Variants in SCG5 observed in about 807,000 individuals in gnomAD.
SCG5 encodes secretogranin V.
In SCG5, 18 loss-of-function variants were observed where a neutral mutation model predicts 25.7. The observed-to-expected ratio is 0.70, with a 90% CI of 0.48 to 1.04. The LOEUF (loss-of-function observed/expected upper bound fraction) is 1.04, where lower values mean the gene tolerates loss of function less well. SCG5 is among the 50% of genes least tolerant of loss of function. The pLI, the probability that SCG5 is intolerant of heterozygous loss-of-function variation, is 0.00. For synonymous variants in SCG5, 101 were observed against 91.7 expected (o/e 1.10, Z -0.58); for missense variants, 206 against 259.8 (o/e 0.79, Z 1.42).
In SCG5 at chr15:32,684,670, G is replaced by A; in HGVS notation, c.489+1G>A. 6.2e-7 allele frequency: 1 copy of A among 1,601,526 alleles called. No individual in the cohort carries two copies. Among genetic ancestry groups the A allele is most frequent in the Non-Finnish European group, 8.6e-7 (1 of 1,169,364 alleles). On this transcript the variant is annotated splice_donor_variant, in intron 4 of 5. Coordinates refer to ENST00000300175, the MANE Select transcript of SCG5 (RefSeq NM_001144757.3). LOFTEE classifies it high-confidence loss of function. ...TGACTATCCAGGCTTGGGCAAGTGG[G>A]TAAGTCCTATCTCAATTGTTAGTAG...
At chr15:32,696,469 A>G in intron 5 of SCG5, 45 bp from the exon 6 acceptor site, 1 of 1,342,508 alleles carries the variant, frequency 7.4e-7, no homozygotes, top group Non-Finnish European at 1.1e-6. Context: ...TCTGATGTTC[A>G]CATATAACAC....
intron 2 of SCG5, among the ~76,000 whole-genome samples, chr15:32,653,179 T>G (rs2054060692): frequency 6.6e-6 from 1 of 152,232 alleles, no homozygotes; most frequent in Non-Finnish European, 1.5e-5. Flanking sequence ...GCTTAGTAAT[T>G]CTAAACAGTG....
At chr15:32,686,860 G>T (rs114246683) in intron 4 of SCG5, among the ~76,000 whole-genome samples, 1 of 152,110 alleles carries the variant, frequency 6.6e-6, no homozygotes, top group African/African-American at 2.4e-5. Context: ...ACTTAGCACC[G>T]CTCCACTTCA....
rs543199794 is a variant in SCG5, at chr15:32,664,533, G to T, written c.227-15233G>T. 4.6e-5 allele frequency among the ~76,000 whole-genome samples: 7 copies of T among 152,288 alleles called. No individual in the cohort carries two copies. The South Asian group carries it at 1.5e-3, about 32-fold the overall frequency. ...GCAATCCACAGCAGATTCAAGTTTT[G>T]TGAGGCCTGAAACTCATGCAATTTG... is the stretch of plus-strand genomic sequence containing the variant. On this transcript the variant is annotated intron_variant, in intron 2 of 5. Transcript: ENST00000300175.
chr15:32,642,170 G>C (rs892286797), intron 1 of SCG5, among the ~76,000 whole-genome samples: 4 of 152,006 alleles, frequency 2.6e-5, no homozygotes, highest in Admixed American at 6.6e-5. Context: ...TGCAGAAAAA[G>C]AAATTGGAGG....
chr15:32,655,388 T>C (rs973121818), intron 2 of SCG5, among the ~76,000 whole-genome samples: 8 of 152,142 alleles, frequency 5.3e-5, no homozygotes, highest in Non-Finnish European at 1.2e-4. Context: ...TCCACTTCCG[T>C]GGGACAGTTA....
intron 2 of SCG5, among the ~76,000 whole-genome samples, chr15:32,670,598 A>G (rs1306966160): frequency 6.6e-6 from 1 of 152,230 alleles, no homozygotes; most frequent in East Asian, 1.9e-4. Context: ...CTCTAAGTAT[A>G]AACTATTGTG....
intron 5 of SCG5, among the ~76,000 whole-genome samples, chr15:32,695,305 G>A (rs192142770): frequency 1.3e-5 from 2 of 152,146 alleles, no homozygotes; most frequent in African/African-American, 4.8e-5. Context: ...GTGAGCCACC[G>A]CGCCTGGCTA....
intron 5 of SCG5, chr15:32,692,155 A>G (rs1488603944): frequency 9.6e-7 from 1 of 1,046,554 alleles, no homozygotes; most frequent in Non-Finnish European, 1.1e-6. Flanking sequence ...AAAACACAGG[A>G]CAGAAACAGG....
chr15:32,694,162 C>A (rs1204923691), intron 5 of SCG5, among the ~76,000 whole-genome samples: 2 of 152,146 alleles, frequency 1.3e-5, no homozygotes, highest in Middle Eastern at 6.8e-3. Flanking sequence ...ATTATTATTC[C>A]TAAGTGCTGG....
chr15:32,676,092 A>G (rs903433403), intron 2 of SCG5, among the ~76,000 whole-genome samples: 4 of 152,190 alleles, frequency 2.6e-5, no homozygotes, highest in African/African-American at 9.7e-5. Context: ...TAAAATTATT[A>G]TATTTTCTAT....
chr15:32,649,913 A>G (rs2054006824), intron 2 of SCG5, among the ~76,000 whole-genome samples: 1 of 152,208 alleles, frequency 6.6e-6, no homozygotes, highest in Non-Finnish European at 1.5e-5. Context: ...CGGCCCAAAT[A>G]AAATGGGCTT....
chr15:32,657,026 G>A (rs191338705), intron 2 of SCG5, among the ~76,000 whole-genome samples: 9 of 150,620 alleles, frequency 6.0e-5, no homozygotes, highest in African/African-American at 2.0e-4. Flanking sequence ...CTTCAGTTCC[G>A]CAAAGTTTAG....
chr15:32,650,337 G>A (rs886349508), intron 2 of SCG5, among the ~76,000 whole-genome samples: 3 of 152,094 alleles, frequency 2.0e-5, no homozygotes, highest in African/African-American at 4.8e-5. Context: ...TCCTGACCTC[G>A]TGATCCGCCC....
At chr15:32,665,266 GA>G in intron 2 of SCG5, among the ~76,000 whole-genome samples, 1 of 152,126 alleles carries the variant, frequency 6.6e-6, no homozygotes, top group East Asian at 1.9e-4. Context: ...CTCTTGTCAA[GA>G]AATTTTTTTC....
At chr15:32,654,724 T>TG (rs1331056574) in intron 2 of SCG5, among the ~76,000 whole-genome samples, 2 of 152,194 alleles carry the variant, frequency 1.3e-5, no homozygotes, top group African/African-American at 2.4e-5. Flanking sequence ...GATTTGCAAA[T>TG]GCGCACACAG....
At chr15:32,663,458 T>C (rs553516447) in intron 2 of SCG5, among the ~76,000 whole-genome samples, 1 of 152,278 alleles carries the variant, frequency 6.6e-6, no homozygotes, top group East Asian at 1.9e-4. Flanking sequence ...TCCTAGCCAA[T>C]GCTATACCAG....
At chr15:32,656,376 T>C (rs939456033) in intron 2 of SCG5, 26 of 152,236 alleles carry the variant, frequency 1.7e-4, no homozygotes, top group African/African-American at 5.5e-4. Flanking sequence ...ATCAGGCACA[T>C]GTAGGAAGTG....
chr15:32,647,867 C>T (rs930078256), intron 2 of SCG5, among the ~76,000 whole-genome samples: 17 of 152,146 alleles, frequency 1.1e-4, no homozygotes, highest in African/African-American at 3.1e-4. Flanking sequence ...GTTTCTCTGG[C>T]GGCCTTTAAA....
Sources: gnomAD v4.1 joint callset for allele counts (sites outside exome capture counted in the v4.1 genomes callset) on GRCh38, gnomAD v4.1.1 for gene constraint, MANE v1.5 for transcripts, NCBI Gene and HGNC (gene_info 2026-07-23, HGNC 2026-07-21) for gene names.